The following ASB3 variants were observed in gnomAD, a reference collection of about 807,000 sequenced individuals.
ASB3 encodes the protein ankyrin repeat and SOCS box containing 3.
In ASB3, 41 loss-of-function variants were observed where a neutral mutation model predicts 54.5. The observed-to-expected ratio is 0.75, with a 90% CI of 0.59 to 0.98. The LOEUF is 0.98. Ranked by LOEUF, ASB3 falls within the 50% of genes least tolerant of loss-of-function variation. The pLI is 0.00. For synonymous variants in ASB3, 266 were observed against 221.2 expected, an observed-to-expected ratio of 1.20 and a Z score of -1.80; for missense variants, 733 against 620.0, an observed-to-expected ratio of 1.18 and a Z score of -1.94.
At chr2:53,724,493 GGAGGCT>G (rs1312732634) in intron 5 of ASB3, among the ~76,000 whole-genome samples, 2 of 152,070 alleles carry the variant, frequency 1.3e-5, no homozygotes, top group Non-Finnish European at 2.9e-5. Flanking sequence ...CAGCTACTTG[GGAGGCT>G]GAGGCAGGAG....
chr2:53,704,033 A>G (rs926212022), intron 7 of ASB3, among the ~76,000 whole-genome samples: 1 of 152,230 alleles, frequency 6.6e-6, no homozygotes, highest in Non-Finnish European at 1.5e-5. Flanking sequence ...TATAACTGGT[A>G]AAAGTGATAT....
chr2:53,745,599 C>T (rs1292605220), intron 3 of ASB3, among the ~76,000 whole-genome samples: 2 of 152,174 alleles, frequency 1.3e-5, no homozygotes, highest in Non-Finnish European at 2.9e-5. Flanking sequence ...ACAACTTTTC[C>T]GGTCACCTGG....
rs545896355 is a variant in ASB3 at position 53,676,050 on chromosome 2, T to C, written c.1370-5360A>G. Among the ~76,000 whole-genome samples the C allele has an allele frequency of 3.9e-5, 6 of 152,220 alleles. No homozygotes were observed. In the East Asian group the frequency reaches 9.6e-4, roughly 24 times the overall value. On this transcript the variant is annotated intron_variant, in intron 9 of 9. Coordinates refer to ENST00000263634, the MANE Select transcript of ASB3 (RefSeq NM_016115.5). ...CCAAGAAAGAAAAAGCTCAAGAAAA[T>C]TGGAAAAGCTGTATTTTTGTAAAAG...
chr2:53,728,342 A>G (rs1671121876), intron 5 of ASB3, among the ~76,000 whole-genome samples: 1 of 152,140 alleles, frequency 6.6e-6, no homozygotes, highest in Non-Finnish European at 1.5e-5. Flanking sequence ...TACCCCTCAG[A>G]GCCTTAATAA....
chr2:53,750,755 G>T (rs200223999), intron 3 of ASB3, 28 bp downstream of exon 3: 1 of 1,451,304 alleles, frequency 6.9e-7, no homozygotes, highest in Admixed American at 2.6e-5. Flanking sequence ...ATGAAAAATT[G>T]CATCTGCACC....
At chr2:53,758,358 T>C (rs1007003432) in intron 2 of ASB3, among the ~76,000 whole-genome samples, 2 of 152,216 alleles carry the variant, frequency 1.3e-5, no homozygotes, top group African/African-American at 2.4e-5. Context: ...AGATTGATAA[T>C]TAGGGCGTAT....
chr2:53,671,281 C>T (rs1016084369), intron 9 of ASB3, among the ~76,000 whole-genome samples: 3 of 151,374 alleles, frequency 2.0e-5, no homozygotes, highest in Admixed American at 6.6e-5. Context: ...TTTAAAAAAA[C>T]AACTTTCCAA....
At chr2:53,723,114 C>A (rs1187988379) in intron 5 of ASB3, among the ~76,000 whole-genome samples, 1 of 151,898 alleles carries the variant, frequency 6.6e-6, no homozygotes, top group Admixed American at 6.6e-5. Context: ...AAATTTTAAA[C>A]CTGGGAATAC....
At chr2:53,761,811 C>A (rs1203478512) in intron 2 of ASB3, among the ~76,000 whole-genome samples, 1 of 152,204 alleles carries the variant, frequency 6.6e-6, no homozygotes, top group Non-Finnish European at 1.5e-5. Flanking sequence ...AGTAATTGCA[C>A]TTCTAAAACT....
chr2:53,705,414 T>C (rs1318124417), intron 7 of ASB3, among the ~76,000 whole-genome samples: 3 of 152,186 alleles, frequency 2.0e-5, no homozygotes, highest in African/African-American at 7.2e-5. Flanking sequence ...AAAACTAAGT[T>C]TGTTAACTCA....
intron 1 of ASB3, among the ~76,000 whole-genome samples, chr2:53,769,817 G>A (rs544210352): frequency 6.6e-6 from 1 of 152,244 alleles, no homozygotes; most frequent in Non-Finnish European, 1.5e-5. Context: ...ACTCCAGCCT[G>A]AGCAACAAGA....
intron 5 of ASB3, among the ~76,000 whole-genome samples, chr2:53,723,961 G>C (rs1670850710): frequency 1.3e-5 from 2 of 151,874 alleles, no homozygotes; most frequent in African/African-American, 4.8e-5. Flanking sequence ...TTAAATGTAA[G>C]ACCTCAAACT....
At chr2:53,780,267 T>C (rs1160052387) in intron 1 of ASB3, among the ~76,000 whole-genome samples, 1 of 152,178 alleles carries the variant, frequency 6.6e-6, no homozygotes, top group African/African-American at 2.4e-5. Context: ...CACTTCCCAC[T>C]GACGTACTCC....
chr2:53,750,302 T>C (rs1209187469), intron 3 of ASB3, among the ~76,000 whole-genome samples: 1 of 152,086 alleles, frequency 6.6e-6, no homozygotes, highest in Non-Finnish European at 1.5e-5. Context: ...CCTTAAGGAA[T>C]TAAAAAACAG....
intron 3 of ASB3, among the ~76,000 whole-genome samples, chr2:53,737,890 A>G (rs1345241751): frequency 6.6e-6 from 1 of 152,210 alleles, no homozygotes; most frequent in Non-Finnish European, 1.5e-5. Context: ...TGTCCTATTT[A>G]CTCAATAATA....
intron 9 of ASB3, among the ~76,000 whole-genome samples, chr2:53,677,006 T>G (rs553009886): frequency 6.6e-6 from 1 of 152,238 alleles, no homozygotes; most frequent in Admixed American, 6.5e-5. Context: ...TGACCTCAGG[T>G]GATCCACCCG....
At chr2:53,744,404 T>C (rs1040666041) in intron 3 of ASB3, among the ~76,000 whole-genome samples, 1 of 148,200 alleles carries the variant, frequency 6.7e-6, no homozygotes, top group African/African-American at 2.5e-5. Flanking sequence ...AATAAAAAAA[T>C]TAAAAAAAAT....
intron 5 of ASB3, among the ~76,000 whole-genome samples, chr2:53,719,602 A>C (rs542083883): frequency 6.6e-6 from 1 of 151,364 alleles, no homozygotes; most frequent in African/African-American, 2.4e-5. Flanking sequence ...CTTCACCCAG[A>C]GACATTCCAA....
chr2:53,755,170 C>T (rs1672744460), intron 2 of ASB3, among the ~76,000 whole-genome samples: 1 of 152,240 alleles, frequency 6.6e-6, no homozygotes, highest in African/African-American at 2.4e-5. Flanking sequence ...TCAGGTCTTT[C>T]ACAACTTGTG....
Sources: gnomAD v4.1 joint callset for allele counts (sites outside exome capture counted in the v4.1 genomes callset) on GRCh38, gnomAD v4.1.1 for gene constraint, MANE v1.5 for transcripts, NCBI Gene and HGNC (gene_info 2026-07-23, HGNC 2026-07-21) for gene names.